Variants in GRID2 observed in about 807,000 individuals in gnomAD.
GRID2 encodes the protein glutamate receptor ionotropic, delta-2.
Under a neutral mutation model 114.8 loss-of-function variants are expected in GRID2, and 33 were observed. That is an observed-to-expected ratio of 0.29 (90% CI 0.22 to 0.38). The LOEUF is 0.38. GRID2 is among the 10% of genes least tolerant of loss of function. The pLI is 1.00. For synonymous variants in GRID2, 505 were observed against 449.9 expected, an observed-to-expected ratio of 1.12 and a Z score of -1.55; for missense variants, 1,184 against 1,257.7, an observed-to-expected ratio of 0.94 and a Z score of 0.89.
intron 9 of GRID2, among the ~76,000 whole-genome samples, chr4:93,408,186 A>G (rs7667044): frequency 0.23 from 35,056 of 151,996 alleles, 5,788 homozygotes; most frequent in African/African-American, 0.47. Flanking sequence ...TTTTAACAGA[A>G]CACTCATCAA....
intron 1 of GRID2, among the ~76,000 whole-genome samples, chr4:92,435,491 T>C (rs1732692235): frequency 6.6e-6 from 1 of 152,172 alleles, no homozygotes; most frequent in South Asian, 2.1e-4. Context: ...CTTCTTCATT[T>C]ATGTCATACC....
At chr4:93,806,495 C>A (rs1450146836) in intron 1 of GRID2, among the ~76,000 whole-genome samples, 3 of 152,200 alleles carry the variant, frequency 2.0e-5, no homozygotes, top group African/African-American at 7.2e-5. Context: ...ATTGAACCAG[C>A]AGCCAATATG....
chr4:92,357,041 G>C (rs1382430252), intron 1 of GRID2, among the ~76,000 whole-genome samples: 2 of 151,710 alleles, frequency 1.3e-5, no homozygotes, highest in African/African-American at 4.8e-5. Context: ...GTGTGAATCT[G>C]TCTATATTAG....
At chr4:93,202,005 T>C (rs977370901) in intron 4 of GRID2, among the ~76,000 whole-genome samples, 4 of 152,140 alleles carry the variant, frequency 2.6e-5, no homozygotes, top group Non-Finnish European at 5.9e-5. Flanking sequence ...TATAATTACA[T>C]TGCTATATTT....
At chr4:93,250,760 A>G (rs1748812197) in intron 8 of GRID2, among the ~76,000 whole-genome samples, 2 of 147,414 alleles carry the variant, frequency 1.4e-5, no homozygotes, top group African/African-American at 4.9e-5. Flanking sequence ...ATATATTTAT[A>G]TATATATAAA....
At chr4:92,635,572 A>AT (rs1418725620) in intron 2 of GRID2, among the ~76,000 whole-genome samples, 4 of 151,928 alleles carry the variant, frequency 2.6e-5, no homozygotes, top group African/African-American at 9.7e-5. Context: ...AAATTATGGA[A>AT]TTTTTTCAAA....
chr4:93,727,410 G>A (rs1395781896), intron 14 of GRID2, among the ~76,000 whole-genome samples: 1 of 152,102 alleles, frequency 6.6e-6, no homozygotes, highest in East Asian at 1.9e-4. Flanking sequence ...GAGGATTTTT[G>A]CATCAATGTT....
In GRID2 at chr4:93,546,218, A is replaced by G. The variant is rs114089372; in HGVS notation, c.2193+30807A>G. The stretch of plus-strand genomic sequence containing the variant: ...AATAGGTTTGGAGGAGTGAACTAAG[A>G]CCTGTGTTGTAGTTGTTTAAGATGC... On this transcript the variant is annotated intron_variant, in intron 13 of 15. Transcript: ENST00000282020. Among the ~76,000 whole-genome samples, 726 of 152,256 alleles carry G rather than the reference A, an allele frequency of 4.8e-3. 6 individuals carry two copies. The highest frequency in any genetic ancestry group is 0.016 in the African/African-American group (665 of 41,562).
chr4:93,741,547 G>A (rs888709504), intron 14 of GRID2, among the ~76,000 whole-genome samples: 5 of 151,998 alleles, frequency 3.3e-5, no homozygotes, highest in African/African-American at 1.2e-4. Flanking sequence ...ATGAAATGCT[G>A]GCATTAACAG....
intron 14 of GRID2, among the ~76,000 whole-genome samples, chr4:93,637,549 C>T (rs1422155859): frequency 2.0e-5 from 3 of 152,100 alleles, no homozygotes; most frequent in Non-Finnish European, 2.9e-5. Context: ...TATTAAAATG[C>T]TGTTGGGCAT....
chr4:92,554,084 T>C (rs748968720), intron 1 of GRID2, among the ~76,000 whole-genome samples: 3 of 152,130 alleles, frequency 2.0e-5, no homozygotes, highest in Non-Finnish European at 4.4e-5. Flanking sequence ...TAGGTATGTA[T>C]ATATTGAGAG....
At chr4:93,285,407 C>T (rs1434165859) in intron 8 of GRID2, among the ~76,000 whole-genome samples, 3 of 151,762 alleles carry the variant, frequency 2.0e-5, no homozygotes, top group African/African-American at 7.3e-5. Flanking sequence ...AAACCTTTAT[C>T]ATGAAAAAGG....
intron 1 of GRID2, among the ~76,000 whole-genome samples, chr4:92,454,644 G>A (rs1249838937): frequency 2.0e-5 from 3 of 152,142 alleles, no homozygotes; most frequent in African/African-American, 7.2e-5. Context: ...AGACCATCCT[G>A]GCTAACACGG....
intron 1 of GRID2, among the ~76,000 whole-genome samples, chr4:92,341,947 G>GA (rs70940878): frequency 0.17 from 26,035 of 150,918 alleles, 3,157 homozygotes; most frequent in African/African-American, 0.35. Flanking sequence ...GTAGCAACTT[G>GA]AGGATACCAA....
intron 14 of GRID2, among the ~76,000 whole-genome samples, chr4:93,665,340 G>A (rs1011992358): frequency 2.0e-5 from 3 of 152,136 alleles, no homozygotes; most frequent in Admixed American, 1.3e-4. Flanking sequence ...TTTGTCTCAT[G>A]TTGTTCTCCA....
intron 4 of GRID2, among the ~76,000 whole-genome samples, chr4:93,143,450 G>T (rs796666074): frequency 2.6e-5 from 4 of 152,216 alleles, no homozygotes; most frequent in East Asian, 1.9e-4. Flanking sequence ...ATGGAATAAA[G>T]GAGATAAAAC....
At chr4:92,799,930 A>G (rs1740072938) in intron 2 of GRID2, among the ~76,000 whole-genome samples, 1 of 152,024 alleles carries the variant, frequency 6.6e-6, no homozygotes, top group African/African-American at 2.4e-5. Flanking sequence ...AAACAATCAT[A>G]TTCACTCTGT....
chr4:92,961,087 A>C (rs185960595), intron 2 of GRID2, among the ~76,000 whole-genome samples: 1 of 152,006 alleles, frequency 6.6e-6, no homozygotes. Context: ...AAAAAATAAT[A>C]ATTACCCCCT....
At chr4:92,408,431 C>CTTTTTTTTTTTTTTTTT (rs35638036) in intron 1 of GRID2, among the ~76,000 whole-genome samples, 6 of 19,426 alleles carry the variant, frequency 3.1e-4, no homozygotes, top group South Asian at 1.3e-3. Flanking sequence ...TATTCAAGCT[C>CTTTTTTTTTTTTTTTTT]TTTTTTTTTT....
Sources: allele counts gnomAD v4.1 joint callset (sites outside exome capture counted in the v4.1 genomes callset), GRCh38; gene constraint gnomAD v4.1.1; transcripts MANE v1.5; gene names NCBI Gene and HGNC (gene_info 2026-07-23, HGNC 2026-07-21).